Variants in EPHA6 observed in about 807,000 individuals in gnomAD.
The protein encoded by EPHA6 is ephrin type-A receptor 6.
Under a neutral mutation model 112.0 loss-of-function variants are expected in EPHA6, and 50 were observed. The observed-to-expected ratio is 0.45, with a 90% CI of 0.36 to 0.56. The LOEUF is 0.56. EPHA6 is among the 20% of genes least tolerant of loss of function. The pLI is 0.00. For synonymous variants in EPHA6, 529 were observed against 490.7 expected (o/e 1.08, Z -1.03); for missense variants, 1,280 against 1,417.4 (o/e 0.90, Z 1.56).
In EPHA6 at chr3:97,114,243, A is replaced by C. The variant is rs2047815555; in HGVS notation, c.1115-112021A>C. Among the ~76,000 whole-genome samples the C allele has an allele frequency of 2.0e-5, 3 of 151,972 alleles. No homozygotes were observed. The South Asian group carries it at 6.2e-4, about 31-fold the overall frequency. On this transcript the variant is annotated intron_variant, in intron 3 of 17. Coordinates refer to ENST00000389672, the MANE Select transcript of EPHA6 (RefSeq NM_001080448.3). ...ACATGAAAGACTTCTAATAATATTT[A>C]AGTTTTGTTTACATAAAAATACAAC...
chr3:97,354,884 G>A (rs1304135400), intron 5 of EPHA6, among the ~76,000 whole-genome samples: 2 of 152,060 alleles, frequency 1.3e-5, no homozygotes, highest in Admixed American at 6.6e-5. Flanking sequence ...AACATACAAA[G>A]GTGCTCCAAT....
At chr3:96,930,864 C>T (rs577324748) in intron 2 of EPHA6, among the ~76,000 whole-genome samples, 26 of 151,510 alleles carry the variant, frequency 1.7e-4, no homozygotes, top group African/African-American at 3.4e-4. Flanking sequence ...TGGTGGCATG[C>T]GCCTGTAATC....
chr3:97,289,371 A>T (rs759462397), intron 5 of EPHA6, among the ~76,000 whole-genome samples: 4 of 152,064 alleles, frequency 2.6e-5, no homozygotes, highest in Non-Finnish European at 5.9e-5. Context: ...TATTGAGTTC[A>T]TCAAAGAACA....
At chr3:97,486,426 C>T (rs1055588238) in intron 10 of EPHA6, among the ~76,000 whole-genome samples, 10 of 152,124 alleles carry the variant, frequency 6.6e-5, no homozygotes, top group Non-Finnish European at 1.0e-4. Context: ...CCTTTTTATG[C>T]TGCTCTAATA....
intron 2 of EPHA6, among the ~76,000 whole-genome samples, chr3:96,929,596 G>A (rs79089968): frequency 0.046 from 6,969 of 152,264 alleles, 193 homozygotes; most frequent in Non-Finnish European, 0.073. Context: ...GAGGTCTGCC[G>A]TTCGTCTGTT....
At chr3:96,944,259 CA>C (rs2041135515) in intron 2 of EPHA6, among the ~76,000 whole-genome samples, 1 of 152,140 alleles carries the variant, frequency 6.6e-6, no homozygotes, top group Non-Finnish European at 1.5e-5. Context: ...CATGATTTAT[CA>C]GCAGCTTTTA....
At chr3:97,610,657 A>G (rs2093711812) in intron 12 of EPHA6, 136 bp from the exon 13 acceptor site, 1 of 704,570 alleles carries the variant, frequency 1.4e-6, no homozygotes, top group Non-Finnish European at 2.5e-6. Flanking sequence ...GAATACGTTT[A>G]TAGAAGCAGG....
At chr3:96,955,718 A>G (rs1040306391) in intron 2 of EPHA6, among the ~76,000 whole-genome samples, 2 of 152,210 alleles carry the variant, frequency 1.3e-5, no homozygotes, top group Non-Finnish European at 2.9e-5. Flanking sequence ...ATGGAATTCA[A>G]TGATTTAAAA....
chr3:97,206,191 C>T (rs192445395), intron 3 of EPHA6, among the ~76,000 whole-genome samples: 126 of 152,100 alleles, frequency 8.3e-4, no homozygotes, highest in African/African-American at 2.6e-3. Context: ...TCACCTTCAT[C>T]GTCTTTGTTT....
At chr3:97,161,771 A>T (rs958898866) in intron 3 of EPHA6, among the ~76,000 whole-genome samples, 10 of 152,284 alleles carry the variant, frequency 6.6e-5, no homozygotes, top group African/African-American at 2.2e-4. Flanking sequence ...ATGTCTTACC[A>T]ATAAGTCTAA....
chr3:97,747,357 C>A, intron 16 of EPHA6, 66 bp from the exon 17 acceptor site: 1 of 1,304,012 alleles, frequency 7.7e-7, no homozygotes. Context: ...AATAAAGTTC[C>A]GTGATTTGTG....
chr3:96,889,148 A>T (rs1437470717), intron 2 of EPHA6, among the ~76,000 whole-genome samples: 1 of 152,192 alleles, frequency 6.6e-6, no homozygotes, highest in Non-Finnish European at 1.5e-5. Flanking sequence ...TTTACTGTAC[A>T]TATCACTGTC....
At chr3:96,910,357 A>T (rs552689276) in intron 2 of EPHA6, among the ~76,000 whole-genome samples, 1 of 152,054 alleles carries the variant, frequency 6.6e-6, no homozygotes, top group Non-Finnish European at 1.5e-5. Context: ...CAGTTGCCTG[A>T]TAATTGATCT....
intron 5 of EPHA6, among the ~76,000 whole-genome samples, chr3:97,355,367 G>A (rs965151653): frequency 1.3e-5 from 2 of 152,104 alleles, no homozygotes; most frequent in South Asian, 2.1e-4. Flanking sequence ...TCAAAACCAG[G>A]AGAGATAAAG....
At chr3:97,536,966 G>A (rs2092772446) in intron 11 of EPHA6, among the ~76,000 whole-genome samples, 2 of 152,144 alleles carry the variant, frequency 1.3e-5, no homozygotes, top group Non-Finnish European at 2.9e-5. Flanking sequence ...AGAGTCATGA[G>A]ATGTTGGTGA....
rs1238160559 is a variant in EPHA6, at chr3:96,866,825, T to G, written c.386T>G (p.Val129Gly). ...ATTTTTATTTTCTATTTAATTCCAG[T>G]TGTGTTGCTTGATACAACAACTGTA... ...GDCSHVSNNQ[V>G]VLLDTTTVLG... Residue 129 changes from valine to glycine, a missense_variant and splice_region_variant, in exon 2 of 18, where the codon GTT (valine) becomes GGT (glycine). By Grantham distance (109) the Val-to-Gly change is moderately radical (BLOSUM62 -3). Transcript: ENST00000389672. The G allele has an allele frequency of 4.1e-6, 6 of 1,459,566 alleles. No homozygotes were observed. The highest frequency in any genetic ancestry group is 5.4e-6 in the Non-Finnish European group (6 of 1,101,308). The allele number at this position is 1,459,566 out of a possible 1,614,324, so 90.4% of individuals were successfully genotyped here.
chr3:97,114,926 T>A (rs1015724857), intron 3 of EPHA6, among the ~76,000 whole-genome samples: 1 of 152,010 alleles, frequency 6.6e-6, no homozygotes, highest in African/African-American at 2.4e-5. Flanking sequence ...GAACTAACTC[T>A]TAAGAGTGGA....
chr3:97,298,027 G>T lies in EPHA6; in HGVS notation c.1606+53740G>T, dbSNP rs552886269. ...TCTGCCCACCTCATCCTCCCAAAGT[G>T]CTGGGATTACAGGCATGAACCACCG... On this transcript the variant is annotated intron_variant, in intron 5 of 17. Transcript: ENST00000389672. Among the ~76,000 whole-genome samples, 107 of 152,278 alleles carry T rather than the reference G, an allele frequency of 7.0e-4. 1 individual carries two copies. Among genetic ancestry groups the T allele is most frequent in the Non-Finnish European group, 1.1e-3 (78 of 68,042 alleles).
At chr3:97,285,575 A>G (rs373140619) in intron 5 of EPHA6, among the ~76,000 whole-genome samples, 84 of 152,196 alleles carry the variant, frequency 5.5e-4, no homozygotes, top group Middle Eastern at 3.4e-3. Context: ...TTTTATGGCC[A>G]GATAGTATTC....
Sources: allele counts gnomAD v4.1 joint callset (sites outside exome capture counted in the v4.1 genomes callset), GRCh38; gene constraint gnomAD v4.1.1; transcripts MANE v1.5; gene names NCBI Gene and HGNC (gene_info 2026-07-23, HGNC 2026-07-21).